Variants in VPS41 observed in about 807,000 individuals in gnomAD.
The protein encoded by VPS41 is vacuolar protein sorting-associated protein 41 homolog.
Under a neutral mutation model 130.9 loss-of-function variants are expected in VPS41, and 85 were observed. That is an observed-to-expected ratio of 0.65 (90% CI 0.55 to 0.78). The LOEUF (loss-of-function observed/expected upper bound fraction) is 0.78. VPS41 is among the 30% of genes least tolerant of loss of function. The pLI is 0.00. For synonymous variants in VPS41, 335 were observed against 332.9 expected, an observed-to-expected ratio of 1.01 and a Z score of -0.07; for missense variants, 874 against 1,018.7, an observed-to-expected ratio of 0.86 and a Z score of 1.93.
At chr7:38,883,174 C>T (rs1260254925) in intron 2 of VPS41, among the ~76,000 whole-genome samples, 3 of 152,112 alleles carry the variant, frequency 2.0e-5, no homozygotes, top group African/African-American at 7.2e-5. Context: ...ACCTGGGAGG[C>T]AGAGGTTGCA....
chr7:38,787,337 TACCAGAG>T (rs1396011494), intron 10 of VPS41, among the ~76,000 whole-genome samples: 2 of 152,166 alleles, frequency 1.3e-5, no homozygotes, highest in Admixed American at 6.5e-5. Context: ...TGGTGAAAAG[TACCAGAG>T]GCTCAGGGAG....
intron 7 of VPS41, among the ~76,000 whole-genome samples, chr7:38,817,443 C>T (rs563717554): frequency 6.6e-5 from 10 of 152,002 alleles, no homozygotes; most frequent in Non-Finnish European, 1.0e-4. Context: ...CATGGCAAAA[C>T]CCCAACTCTA....
chr7:38,779,229 TA>T (rs1784315918), intron 10 of VPS41, among the ~76,000 whole-genome samples: 1 of 152,190 alleles, frequency 6.6e-6, no homozygotes, highest in Non-Finnish European at 1.5e-5. Flanking sequence ...ATGTTATTCA[TA>T]AAGAAAAGAT....
chr7:38,729,472 G>A (rs1252403857), intron 25 of VPS41, among the ~76,000 whole-genome samples: 1 of 152,160 alleles, frequency 6.6e-6, no homozygotes, highest in African/African-American at 2.4e-5. Context: ...TGACTCCTGG[G>A]AGGGGTTTGA....
At chr7:38,841,484 T>C (rs909439396) in intron 4 of VPS41, among the ~76,000 whole-genome samples, 4 of 152,212 alleles carry the variant, frequency 2.6e-5, no homozygotes, top group African/African-American at 9.6e-5. Context: ...TCACCAAAGC[T>C]TTCTTAGCTT....
At chr7:38,731,664 A>G (rs557926770) in intron 25 of VPS41, among the ~76,000 whole-genome samples, 5 of 152,220 alleles carry the variant, frequency 3.3e-5, no homozygotes, top group African/African-American at 9.6e-5. Context: ...CTTAGGGCAC[A>G]TGCACACTCT....
intron 17 of VPS41, among the ~76,000 whole-genome samples, chr7:38,762,110 T>C (rs970116428): frequency 3.3e-5 from 5 of 152,298 alleles, no homozygotes; most frequent in Admixed American, 6.5e-5. Flanking sequence ...AAAAGCATGA[T>C]GACCCCACCA....
chr7:38,849,124 T>C lies in VPS41; in HGVS notation c.246+13421A>G, dbSNP rs145581741. Among the ~76,000 whole-genome samples, 147 of 152,222 alleles carry C rather than the reference T, an allele frequency of 9.7e-4. 1 individual carries two copies. In the East Asian group the frequency reaches 0.025, roughly 26 times the overall value. On this transcript the variant is annotated intron_variant, in intron 4 of 28. Coordinates refer to ENST00000310301, the MANE Select transcript of VPS41 (RefSeq NM_014396.4). ...ACTTTAGAAGGACATACAAAGAATATTGAAACAGGAAAAGTTCCCTCATCT... is the reference window on the plus strand; with the variant it reads ...ACTTTAGAAGGACATACAAAGAATACTGAAACAGGAAAAGTTCCCTCATCT...
chr7:38,767,372 C>A (rs975077194), intron 15 of VPS41, among the ~76,000 whole-genome samples, 165 bp downstream of exon 15: 2 of 152,046 alleles, frequency 1.3e-5, no homozygotes, highest in African/African-American at 4.8e-5. Flanking sequence ...TGCTTGGAAT[C>A]ATTAATATTC....
chr7:38,786,391 T>C (rs1036895864), intron 10 of VPS41, among the ~76,000 whole-genome samples: 3 of 152,196 alleles, frequency 2.0e-5, no homozygotes, highest in African/African-American at 7.2e-5. Flanking sequence ...GAACAATATA[T>C]ATTTGTTACT....
At chr7:38,891,914 A>C (rs1198981928) in intron 2 of VPS41, among the ~76,000 whole-genome samples, 2 of 152,232 alleles carry the variant, frequency 1.3e-5, no homozygotes, top group East Asian at 3.9e-4. Flanking sequence ...ATTTTTAAGG[A>C]GGTCTCACAG....
chr7:38,822,827 C>T (rs947834892), intron 5 of VPS41, among the ~76,000 whole-genome samples: 14 of 152,148 alleles, frequency 9.2e-5, no homozygotes, highest in African/African-American at 2.4e-4. Context: ...AAATTCATTA[C>T]GTTGAAACCT....
intron 10 of VPS41, among the ~76,000 whole-genome samples, chr7:38,789,354 T>G (rs962113121): frequency 2.6e-5 from 4 of 152,044 alleles, no homozygotes; most frequent in Non-Finnish European, 5.9e-5. Context: ...AAGACCTGAC[T>G]CAGTCAGGGA....
In VPS41 at chr7:38,882,764, T is replaced by C. The variant is rs111508256; in HGVS notation, c.61-13511A>G. ...GCCCACATTTTAGTCAGGAAATCTGTTGGCTATACTTTAAAAAACAAAAAG... is the reference window on the plus strand; with the variant it reads ...GCCCACATTTTAGTCAGGAAATCTGCTGGCTATACTTTAAAAAACAAAAAG... On this transcript the variant is annotated intron_variant, in intron 2 of 28. Coordinates refer to ENST00000310301, the MANE Select transcript of VPS41 (RefSeq NM_014396.4). 6.2e-3 allele frequency among the ~76,000 whole-genome samples: 941 copies of C among 152,334 alleles called. 8 individuals carry two copies. The highest frequency in any genetic ancestry group is 0.027 in the Middle Eastern group (8 of 294).
intron 8 of VPS41, 90 bp from the exon 9 acceptor site, chr7:38,795,701 C>T: frequency 1.7e-6 from 2 of 1,181,140 alleles, no homozygotes; most frequent in East Asian, 5.0e-5. Flanking sequence ...CTACCAATAA[C>T]CAGCACGGAG....
At position 38,776,769 on chromosome 7, in the gene VPS41, C is replaced by CTGA; in HGVS notation, c.789_791dup (p.Ser263_Gln264insHis). 1 of 1,601,818 alleles carries CTGA rather than the reference C, an allele frequency of 6.2e-7. No individual in the cohort carries two copies. Among genetic ancestry groups the CTGA allele is most frequent in the Non-Finnish European group, 8.6e-7 (1 of 1,169,360 alleles). ...CACTGATGTAGAATTCAGTTTCAAA[C>CTGA]TGAGACACTGCAAACAAAAGGGATA... On this transcript the variant is annotated inframe_insertion, in exon 11 of 29. Transcript: ENST00000310301.
chr7:38,880,998 G>A (rs929236461), intron 2 of VPS41, among the ~76,000 whole-genome samples: 1 of 152,164 alleles, frequency 6.6e-6, no homozygotes, highest in Admixed American at 6.5e-5. Flanking sequence ...CTGAAATGCG[G>A]CCTAATGAAA....
chr7:38,889,318 T>C (rs10270483), intron 2 of VPS41, among the ~76,000 whole-genome samples: 133,910 of 151,022 alleles, frequency 0.89, 59,444 homozygotes, highest in East Asian at 1. Context: ...TAAAAGAAAT[T>C]CATGCCCAAA....
At chr7:38,823,634 G>T (rs1785216758) in intron 5 of VPS41, among the ~76,000 whole-genome samples, 2 of 152,044 alleles carry the variant, frequency 1.3e-5, no homozygotes, top group Non-Finnish European at 2.9e-5. Context: ...TTATAATTTT[G>T]GGAAATAGAT....
Sources: gnomAD v4.1 joint callset for allele counts (sites outside exome capture counted in the v4.1 genomes callset) on GRCh38, gnomAD v4.1.1 for gene constraint, MANE v1.5 for transcripts, NCBI Gene and HGNC (gene_info 2026-07-23, HGNC 2026-07-21) for gene names.